The following TTC29 variants were observed in gnomAD, a reference collection of about 807,000 sequenced individuals.
TTC29 encodes tetratricopeptide repeat domain 29.
TTC29 carries 49 observed loss-of-function variants against 58.1 expected under a neutral mutation model. That is an observed-to-expected ratio of 0.84 (90% CI 0.67 to 1.07). TTC29 has a LOEUF of 1.07. Ranked by LOEUF, TTC29 falls within the 50% of genes least tolerant of loss-of-function variation. The pLI is 0.00. For missense variants in TTC29, 582 were observed against 555.6 expected, an observed-to-expected ratio of 1.05 and a Z score of -0.48; for synonymous variants, 209 against 196.8, an observed-to-expected ratio of 1.06 and a Z score of -0.52.
rs755364872 is a variant in TTC29, at chr4:146,909,079, T to G, written c.347A>C (p.Lys116Thr). The G allele has an allele frequency of 1.1e-5, 18 of 1,613,750 alleles. No individual in the cohort carries two copies. Among genetic ancestry groups the G allele is most frequent in the Non-Finnish European group, 1.5e-5 (18 of 1,179,836 alleles). ...CAGGTAATGGTACAGGTAATCCAGT[T>G]TATCAGGCTGCTCCTCCAGGGGCTT... ...LQKPLEEQPD[K>T]LDYLYHYLTR... is the part of the protein sequence containing the mutation. Residue 116 changes from lysine to threonine, a missense_variant, in exon 5 of 13, where the codon AAA becomes ACA. Physicochemically the swap from Lys to Thr is moderately conservative, Grantham distance 78. Coordinates refer to ENST00000325106, the MANE Select transcript of TTC29 (RefSeq NM_031956.4).
At chr4:146,875,677 A>AGTTT (rs1489894297) in intron 6 of TTC29, among the ~76,000 whole-genome samples, 5 of 152,140 alleles carry the variant, frequency 3.3e-5, no homozygotes, top group Admixed American at 6.6e-5. Context: ...TGGCGCCTTA[A>AGTTT]ACTGCTTCTC....
chr4:146,766,579 T>C (rs781418565), intron 11 of TTC29, among the ~76,000 whole-genome samples: 4 of 152,114 alleles, frequency 2.6e-5, no homozygotes, highest in Admixed American at 6.6e-5. Flanking sequence ...AATGAATTAG[T>C]ATTTTTTAGA....
At chr4:146,720,457 A>T (rs555294561) in intron 11 of TTC29, among the ~76,000 whole-genome samples, 1 of 152,290 alleles carries the variant, frequency 6.6e-6, no homozygotes, top group South Asian at 2.1e-4. Context: ...TTCATGGGGC[A>T]TCATATCACA....
chr4:146,937,629 T>C lies in TTC29; in HGVS notation c.141A>G (p.Val47=), dbSNP rs2150331775. The change falls in exon 4 of 13, where the codon GTA becomes GTG. Residue 47 remains valine (V), a synonymous_variant. Coordinates refer to ENST00000325106, the MANE Select transcript of TTC29 (RefSeq NM_031956.4). ...EKDDIDHYLE[V]NFKGLSKEEV... ...CCTCTTTTGATAATCCTTTGAAATT[T>C]ACCTCTAGATAATGATCTATGTCAT... The C allele has an allele frequency of 6.5e-7, 1 of 1,538,050 alleles. No individual in the cohort carries two copies. Among genetic ancestry groups the C allele is most frequent in the Non-Finnish European group, 8.8e-7 (1 of 1,138,214 alleles).
chr4:146,840,168 C>CT (rs369143176), intron 8 of TTC29, among the ~76,000 whole-genome samples: 9,827 of 137,714 alleles, frequency 0.071, 448 homozygotes, highest in Admixed American at 0.13. Flanking sequence ...TGGTTTTTAT[C>CT]TTTTTTTTTT....
chr4:146,803,796 G>T (rs892620918), intron 10 of TTC29, 111 bp from the exon 11 acceptor site: 2 of 766,184 alleles, frequency 2.6e-6, no homozygotes, highest in Non-Finnish European at 2.0e-6. Flanking sequence ...AGTTACAGCA[G>T]TTCATCTTCA....
intron 9 of TTC29, among the ~76,000 whole-genome samples, chr4:146,828,573 A>G (rs927109976): frequency 1.3e-5 from 2 of 152,136 alleles, no homozygotes; most frequent in Non-Finnish European, 2.9e-5. Flanking sequence ...AAGAAAGTAC[A>G]TTTTGAATTA....
chr4:146,933,565 A>G (rs1313037602), intron 4 of TTC29, among the ~76,000 whole-genome samples: 1 of 152,254 alleles, frequency 6.6e-6, no homozygotes, highest in African/African-American at 2.4e-5. Flanking sequence ...GACTGTCTGT[A>G]CTTGTTAAAG....
chr4:146,840,563 T>G (rs950431830), intron 8 of TTC29, among the ~76,000 whole-genome samples: 1 of 152,146 alleles, frequency 6.6e-6, no homozygotes, highest in Admixed American at 6.6e-5. Context: ...ATCCATTACA[T>G]AAATACTGAG....
intron 11 of TTC29, among the ~76,000 whole-genome samples, chr4:146,789,189 C>T (rs1749256024): frequency 2.0e-5 from 3 of 152,128 alleles, no homozygotes; most frequent in Admixed American, 6.5e-5. Context: ...GAAATGTTAT[C>T]TTAAGACTCA....
chr4:146,930,423 G>A lies in TTC29; in HGVS notation c.176+7171C>T, dbSNP rs576581262. 3.9e-5 allele frequency among the ~76,000 whole-genome samples: 6 copies of A among 152,124 alleles called. No individual in the cohort carries two copies. The South Asian group carries it at 1.2e-3, about 32-fold the overall frequency. ...GATTAAGCTTCCCAGAAAAGTCCCT[G>A]GTCTGGTAATATCTGTGGAAACCCT... On this transcript the variant is annotated intron_variant, in intron 4 of 12. Coordinates refer to ENST00000325106, the MANE Select transcript of TTC29 (RefSeq NM_031956.4).
At chr4:146,888,991 C>T (rs1364266435) in intron 6 of TTC29, among the ~76,000 whole-genome samples, 1 of 152,172 alleles carries the variant, frequency 6.6e-6, no homozygotes, top group Non-Finnish European at 1.5e-5. Flanking sequence ...CAGTCTAACA[C>T]ATTTTTCCAC....
At chr4:146,937,910 C>T (rs1169227318) in intron 3 of TTC29, among the ~76,000 whole-genome samples, 2 of 152,098 alleles carry the variant, frequency 1.3e-5, no homozygotes, top group South Asian at 2.1e-4. Flanking sequence ...AAAACACCAA[C>T]ACCTTGAAAT....
At chr4:146,775,144 G>T (rs1333761407) in intron 11 of TTC29, among the ~76,000 whole-genome samples, 2 of 152,066 alleles carry the variant, frequency 1.3e-5, no homozygotes, top group African/African-American at 4.8e-5. Flanking sequence ...AGGTGTCATT[G>T]CATGTGAGAT....
intron 8 of TTC29, among the ~76,000 whole-genome samples, chr4:146,863,614 ATG>A (rs900928457): frequency 6.7e-6 from 1 of 149,540 alleles, no homozygotes; most frequent in African/African-American, 2.6e-5. Context: ...ATAGCCTCTC[ATG>A]TGTATATGAA....
intron 4 of TTC29, among the ~76,000 whole-genome samples, chr4:146,914,952 T>C (rs1009044754): frequency 7.2e-5 from 11 of 152,182 alleles, no homozygotes; most frequent in Non-Finnish European, 1.5e-4. Flanking sequence ...GGAGATATTA[T>C]AGTGTTTTAA....
At chr4:146,812,718 A>G (rs1321613927) in intron 10 of TTC29, 2 of 152,202 alleles carry the variant, frequency 1.3e-5, no homozygotes, top group African/African-American at 2.4e-5. Flanking sequence ...AAGAAATAAA[A>G]AATTAATTAT....
At chr4:146,807,908 A>G (rs1458302774) in intron 10 of TTC29, among the ~76,000 whole-genome samples, 1 of 152,188 alleles carries the variant, frequency 6.6e-6, no homozygotes, top group Non-Finnish European at 1.5e-5. Flanking sequence ...CATCATCCTG[A>G]TAACAAAACC....
chr4:146,761,150 G>A (rs1209225629), intron 11 of TTC29, among the ~76,000 whole-genome samples: 1 of 151,634 alleles, frequency 6.6e-6, no homozygotes, highest in Admixed American at 6.6e-5. Context: ...GCAGTGTTAG[G>A]TGCATCAAAA....
Sources: allele counts gnomAD v4.1 joint callset (sites outside exome capture counted in the v4.1 genomes callset), GRCh38; gene constraint gnomAD v4.1.1; transcripts MANE v1.5; gene names NCBI Gene and HGNC (gene_info 2026-07-23, HGNC 2026-07-21).